Variants in SMARCAD1 observed in about 807,000 individuals in gnomAD.
SMARCAD1 encodes SNF2 related chromatin remodeling ATPase with DExD box 1, also known as SWI/SNF-related matrix-associated actin-dependent regulator of chromatin subfamily A containing DEAD/H box 1.
Under a neutral mutation model 127.1 loss-of-function variants are expected in SMARCAD1, and 25 were observed. The observed-to-expected ratio is 0.20, with a 90% CI of 0.14 to 0.27. The LOEUF (loss-of-function observed/expected upper bound fraction) is 0.27. Ranked by LOEUF, SMARCAD1 falls within the 10% of genes least tolerant of loss-of-function variation. The pLI is 1.00. For missense variants in SMARCAD1, 807 were observed against 1,206.0 expected (o/e 0.67, Z 4.90); for synonymous variants, 400 against 396.9 (o/e 1.01, Z -0.09).
rs1335850962 is a variant in SMARCAD1, at chr4:94,264,753, G to T, written c.1328G>T (p.Trp443Leu). The T allele has an allele frequency of 6.2e-7, 1 of 1,612,092 alleles. No individual in the cohort carries two copies. The highest frequency in any genetic ancestry group is 1.3e-5 in the African/African-American group (1 of 74,804). ...KTNGLSEDLIWHCKTLIQERD... is the reference protein window; with the variant it reads ...KTNGLSEDLILHCKTLIQERD... ...AATGGCTTATCAGAAGATTTGATAT[G>T]GCACTGTAAAACACTGATCCAAGAA... is the stretch of plus-strand genomic sequence containing the variant. Residue 443 changes from tryptophan (W) to leucine (L), a missense_variant, in exon 10 of 24, where the codon TGG (tryptophan) becomes TTG (leucine). Trp to Leu is a moderately conservative substitution (Grantham distance 61). Transcript: ENST00000354268.
At chr4:94,232,538 T>C (rs893804090) in intron 3 of SMARCAD1, among the ~76,000 whole-genome samples, 1 of 152,170 alleles carries the variant, frequency 6.6e-6, no homozygotes, top group Non-Finnish European at 1.5e-5. Flanking sequence ...AGGAAATGCA[T>C]GTGATTGTCC....
At chr4:94,212,452 G>C (rs181724689) in intron 2 of SMARCAD1, among the ~76,000 whole-genome samples, 15 of 152,118 alleles carry the variant, frequency 9.9e-5, no homozygotes, top group Non-Finnish European at 2.2e-4. Context: ...TAGGATTATA[G>C]GCATGAGCCA....
intron 8 of SMARCAD1, among the ~76,000 whole-genome samples, chr4:94,252,401 C>T (rs746627755): frequency 2.0e-5 from 3 of 152,132 alleles, no homozygotes; most frequent in Non-Finnish European, 4.4e-5. Flanking sequence ...ATATTTAATT[C>T]ATTTTAAAAA....
intron 3 of SMARCAD1, among the ~76,000 whole-genome samples, chr4:94,228,450 C>G (rs1250366739): frequency 6.6e-6 from 1 of 152,014 alleles, no homozygotes; most frequent in Non-Finnish European, 1.5e-5. Flanking sequence ...ATTTCAAACC[C>G]AGAAATACCA....
chr4:94,281,351 G>T, intron 20 of SMARCAD1, 121 bp from the exon 21 acceptor site: 1 of 772,580 alleles, frequency 1.3e-6, no homozygotes. Flanking sequence ...GTTTATCACA[G>T]AGAATTTTCT....
intron 9 of SMARCAD1, among the ~76,000 whole-genome samples, chr4:94,254,687 A>G (rs1477079359): frequency 6.6e-6 from 1 of 152,124 alleles, no homozygotes; most frequent in African/African-American, 2.4e-5. Flanking sequence ...CCATCCATCC[A>G]AATGTGAAAT....
In SMARCAD1 at chr4:94,236,399, A is replaced by C. The variant is rs563028148; in HGVS notation, c.538-553A>C. Among the ~76,000 whole-genome samples, 96 of 152,318 alleles carry C rather than the reference A, an allele frequency of 6.3e-4. 1 individual carries two copies. In the Middle Eastern group the frequency reaches 0.01, roughly 16 times the overall value. On this transcript the variant is annotated intron_variant, in intron 4 of 23. Transcript: ENST00000354268. ...AAGCAATATATGCATATGTTCTTGA[A>C]AAGATTCAGACAATTCAGAAATAGA...
chr4:94,217,330 C>T (rs1488966511), intron 2 of SMARCAD1, among the ~76,000 whole-genome samples: 2 of 151,924 alleles, frequency 1.3e-5, no homozygotes, highest in African/African-American at 4.8e-5. Context: ...CTAAAATTCC[C>T]ATGTTTGTTT....
intron 9 of SMARCAD1, among the ~76,000 whole-genome samples, chr4:94,263,861 C>T (rs1330075412): frequency 2.6e-5 from 4 of 151,802 alleles, no homozygotes; most frequent in African/African-American, 9.7e-5. Flanking sequence ...TTTGGACTTT[C>T]TCATCCTTTC....
chr4:94,240,897 C>T lies in SMARCAD1; in HGVS notation c.605-9C>T, dbSNP rs970182198. On this transcript the variant is annotated splice_polypyrimidine_tract_variant and intron_variant, in intron 5 of 23. Coordinates refer to ENST00000354268, the MANE Select transcript of SMARCAD1 (RefSeq NM_020159.5). Reference sequence around the variant, plus strand: ...TGCAAAGTTTGAGTGTGCTGCTCTGCTTTAAAAGGTGGTGGGCCCAGGAAA... The same window carrying T: ...TGCAAAGTTTGAGTGTGCTGCTCTGTTTTAAAAGGTGGTGGGCCCAGGAAA... The T allele has an allele frequency of 1.2e-5, 20 of 1,608,452 alleles. No homozygotes were observed. Among genetic ancestry groups the T allele is most frequent in the Non-Finnish European group, 1.6e-5 (19 of 1,175,472 alleles).
At chr4:94,256,103 T>C (rs1750035924) in intron 9 of SMARCAD1, among the ~76,000 whole-genome samples, 1 of 152,226 alleles carries the variant, frequency 6.6e-6, no homozygotes, top group South Asian at 2.1e-4. Context: ...GATATTATTA[T>C]GTCTGTGAAA....
At chr4:94,271,185 G>A (rs1370594767) in intron 11 of SMARCAD1, among the ~76,000 whole-genome samples, 2 of 152,092 alleles carry the variant, frequency 1.3e-5, no homozygotes, top group East Asian at 1.9e-4. Flanking sequence ...ACATGTGTAC[G>A]TACATACATA....
chr4:94,235,962 C>T (rs1421630761), intron 4 of SMARCAD1, among the ~76,000 whole-genome samples: 3 of 152,076 alleles, frequency 2.0e-5, no homozygotes, highest in Non-Finnish European at 4.4e-5. Flanking sequence ...AGAGCACTCT[C>T]TTGAAGTAAT....
chr4:94,215,874 TTG>T (rs1044873875), intron 2 of SMARCAD1, among the ~76,000 whole-genome samples: 1 of 152,226 alleles, frequency 6.6e-6, no homozygotes, highest in Non-Finnish European at 1.5e-5. Flanking sequence ...TTTGGATTTT[TTG>T]TGTTTCTTTA....
chr4:94,274,542 C>T (rs1752997815), intron 12 of SMARCAD1, among the ~76,000 whole-genome samples, 196 bp from the exon 13 acceptor site: 1 of 152,134 alleles, frequency 6.6e-6, no homozygotes, highest in African/African-American at 2.4e-5. Flanking sequence ...GTATCAAACT[C>T]CTGACCTCAG....
At chr4:94,283,799 C>T (rs1277685633) in intron 22 of SMARCAD1, among the ~76,000 whole-genome samples, 5 of 151,934 alleles carry the variant, frequency 3.3e-5, no homozygotes, top group Admixed American at 1.3e-4. Flanking sequence ...GCACTCCAGC[C>T]TGGGCGACAG....
At chr4:94,264,525 A>G in intron 9 of SMARCAD1, 182 bp from the exon 10 acceptor site, 3 of 547,596 alleles carry the variant, frequency 5.5e-6, no homozygotes, top group Non-Finnish European at 9.7e-6. Context: ...AGTAGAATAT[A>G]AAAGTGAAAC....
chr4:94,277,410 A>G (rs999768552), intron 16 of SMARCAD1, among the ~76,000 whole-genome samples: 2 of 152,212 alleles, frequency 1.3e-5, no homozygotes, highest in Admixed American at 6.5e-5. Context: ...GACGATTTTA[A>G]ATTGATGAAG....
intron 3 of SMARCAD1, among the ~76,000 whole-genome samples, chr4:94,231,133 A>G (rs188302917): frequency 6.6e-6 from 1 of 152,320 alleles, no homozygotes; most frequent in Admixed American, 6.5e-5. Context: ...AATCAGTCTA[A>G]TAAAATCTGT....
Sources: allele counts gnomAD v4.1 joint callset (sites outside exome capture counted in the v4.1 genomes callset), GRCh38; gene constraint gnomAD v4.1.1; transcripts MANE v1.5; gene names NCBI Gene and HGNC (gene_info 2026-07-23, HGNC 2026-07-21).